Variants in PFKFB3 observed in about 807,000 individuals in gnomAD.
PFKFB3 encodes 6-phosphofructo-2-kinase/fructose-2,6-biphosphatase 3.
Under a neutral mutation model 68.0 loss-of-function variants are expected in PFKFB3, and 33 were observed. That is an observed-to-expected ratio of 0.49 (90% confidence interval 0.37 to 0.65). The LOEUF (loss-of-function observed/expected upper bound fraction) is 0.65. PFKFB3 is among the 30% of genes least tolerant of loss of function. PFKFB3 has a pLI of 0.00. For synonymous variants in PFKFB3, 315 were observed against 288.2 expected (o/e 1.09, Z -0.94); for missense variants, 586 against 712.2 (o/e 0.82, Z 2.02).
downstream of PFKFB3, among the ~76,000 whole-genome samples, chr10:6,238,307 G>C (rs546991323): frequency 5.3e-5 from 8 of 152,026 alleles, no homozygotes; most frequent in African/African-American, 1.9e-4. Flanking sequence ...TGGGATTACA[G>C]GTGCATGCCA....
At chr10:6,262,321 G>C in the PFKFB3 span, among the ~76,000 whole-genome samples, 1 of 150,894 alleles carries the variant, frequency 6.6e-6, no homozygotes, top group Non-Finnish European at 1.5e-5. Flanking sequence ...GGGTGGGGTG[G>C]GGGGTGCCTG....
chr10:6,153,820 C>G (rs546000737), intron 1 of PFKFB3, among the ~76,000 whole-genome samples: 1 of 151,302 alleles, frequency 6.6e-6, no homozygotes, highest in African/African-American at 2.4e-5. Context: ...CGCCACTGCA[C>G]GCCAGCCTGG....
chr10:6,219,482 T>A, intron 6 of PFKFB3, 87 bp from the exon 7 acceptor site: 1 of 1,432,408 alleles, frequency 7.0e-7, no homozygotes, highest in Non-Finnish European at 9.8e-7. Context: ...TTCTGTGCGC[T>A]CCCCTTTTGA....
At chr10:6,237,871 C>T (rs1193248142), downstream of PFKFB3, among the ~76,000 whole-genome samples, 1 of 151,966 alleles carries the variant, frequency 6.6e-6, no homozygotes, top group Non-Finnish European at 1.5e-5. Flanking sequence ...CAGCTAAAGA[C>T]TGTTTTATAA....
chr10:6,305,689 T>C, the PFKFB3 span, among the ~76,000 whole-genome samples: 1 of 152,212 alleles, frequency 6.6e-6, no homozygotes, highest in Non-Finnish European at 1.5e-5. Flanking sequence ...TAAAAATTCT[T>C]TTACTGTGAG....
intron 14 of PFKFB3, among the ~76,000 whole-genome samples, chr10:6,253,251 A>G (rs1846418386): frequency 6.6e-6 from 1 of 152,168 alleles, no homozygotes; most frequent in Non-Finnish European, 1.5e-5. Context: ...GAACATTTAC[A>G]TCGATTGCCC....
the PFKFB3 span, among the ~76,000 whole-genome samples, chr10:6,284,535 G>A: frequency 6.6e-6 from 1 of 152,122 alleles, no homozygotes; most frequent in African/African-American, 2.4e-5. Flanking sequence ...ACATAATATT[G>A]ATTAGTAACT....
At chr10:6,310,795 A>G in the PFKFB3 span, among the ~76,000 whole-genome samples, 1 of 152,356 alleles carries the variant, frequency 6.6e-6, no homozygotes, top group Non-Finnish European at 1.5e-5. Flanking sequence ...GGGAAAAGAA[A>G]TAATTAAATC....
At chr10:6,156,129 A>ATATGTGTGTGTGTGTG (rs1554840060) in intron 1 of PFKFB3, among the ~76,000 whole-genome samples, 4 of 96,988 alleles carry the variant, frequency 4.1e-5, no homozygotes, top group African/African-American at 1.1e-4. Flanking sequence ...GTACATATAT[A>ATATGTGTGTGTGTGTG]TGTGTGTGTG....
chr10:6,280,414 A>C, the PFKFB3 span, among the ~76,000 whole-genome samples: 1 of 152,308 alleles, frequency 6.6e-6, no homozygotes, highest in Admixed American at 6.5e-5. Context: ...GTGTTTGTGA[A>C]CCTGGCTCGC....
Position 6,154,655 on chromosome 10 carries a change from G to A in PFKFB3, c.16+9642G>A, listed in dbSNP as rs1005171203. 1.3e-5 allele frequency among the ~76,000 whole-genome samples: 2 copies of A among 152,188 alleles called. No homozygotes were observed. The highest frequency in any genetic ancestry group is 2.4e-5 in the African/African-American group (1 of 41,442). On this transcript the variant is annotated intron_variant, in intron 1 of 14. Transcript: ENST00000379789. This position sits in a 1 kb window ranked among gnomAD's most constrained non-coding sequence, Gnocchi z 4.6. ...GCAGGAGACCAGGTGGGAGTCTCTG[G>A]GCCTGCTGCAGGTGGCTGCGATCAG...
At chr10:6,302,793 C>CATAT in the PFKFB3 span, among the ~76,000 whole-genome samples, 40 of 145,066 alleles carry the variant, frequency 2.8e-4, no homozygotes, top group South Asian at 6.6e-4. Context: ...TACACATACA[C>CATAT]ATATATATAT....
chr10:6,221,557 C>T (rs776256505), intron 9 of PFKFB3, 30 bp downstream of exon 9: 1 of 1,612,376 alleles, frequency 6.2e-7, no homozygotes, highest in African/African-American at 1.3e-5. Flanking sequence ...CAGGCAGCCT[C>T]ACCCTCGGGC....
At chr10:6,264,937 A>G in the PFKFB3 span, among the ~76,000 whole-genome samples, 1 of 152,168 alleles carries the variant, frequency 6.6e-6, no homozygotes. Context: ...AATGTAGTCT[A>G]TCTTCCAAGT....
At chr10:6,299,068 A>G in the PFKFB3 span, among the ~76,000 whole-genome samples, 1 of 152,212 alleles carries the variant, frequency 6.6e-6, no homozygotes, top group African/African-American at 2.4e-5. Context: ...TAGGTTGACA[A>G]ATAAAACCTT....
At chr10:6,322,693 A>G in the PFKFB3 span, among the ~76,000 whole-genome samples, 1 of 152,304 alleles carries the variant, frequency 6.6e-6, no homozygotes, top group South Asian at 2.1e-4. Context: ...AAGGTCTTTA[A>G]TGGACTTTCC....
downstream of PFKFB3, among the ~76,000 whole-genome samples, chr10:6,254,808 C>CTTTTTTTTTTTTTTTT (rs144888417): frequency 2.1e-4 from 13 of 61,636 alleles, 2 homozygotes; most frequent in African/African-American, 3.5e-4. Flanking sequence ...TTTTTCTGTT[C>CTTTTTTTTTTTTTTTT]TTTTTTTTTT....
the PFKFB3 span, among the ~76,000 whole-genome samples, chr10:6,307,510 T>TTTCCTTCCTTCC: frequency 0.017 from 1,975 of 116,218 alleles, 20 homozygotes; most frequent in South Asian, 0.028. Flanking sequence ...TCCTTCTCTT[T>TTTCCTTCCTTCC]TTCCTTCCTT....
upstream of PFKFB3, among the ~76,000 whole-genome samples, chr10:6,199,575 C>G (rs1283701242): frequency 1.3e-5 from 2 of 151,234 alleles, no homozygotes; most frequent in Admixed American, 6.6e-5. Flanking sequence ...ACCTCTGCCT[C>G]CTGGGCTCAG....
Sources: allele counts gnomAD v4.1 joint callset (sites outside exome capture counted in the v4.1 genomes callset), GRCh38; gene constraint gnomAD v4.1.1; non-coding constraint Gnocchi (gnomAD v3.1); transcripts MANE v1.5; gene names NCBI Gene and HGNC (gene_info 2026-07-23, HGNC 2026-07-21).